Variants in CACNA2D3 observed in about 807,000 individuals in gnomAD.
CACNA2D3 encodes calcium voltage-gated channel auxiliary subunit alpha2delta 3, also known as voltage-dependent calcium channel subunit alpha-2/delta-3.
A neutral mutation model predicts 160.6 loss-of-function variants in CACNA2D3; 60 were observed. The observed-to-expected ratio is 0.37, with a 90% CI of 0.30 to 0.46. The LOEUF (loss-of-function observed/expected upper bound fraction) is 0.46. Among genes scored for constraint, CACNA2D3 ranks in the 20% least tolerant of loss-of-function variants. CACNA2D3 has a pLI of 1.00. For missense variants in CACNA2D3, 1,205 were observed against 1,365.0 expected (o/e 0.88, Z 1.85); for synonymous variants, 558 against 492.9 (o/e 1.13, Z -1.75).
chr3:54,851,280 G>A (rs1011172186), intron 17 of CACNA2D3, among the ~76,000 whole-genome samples: 2 of 152,194 alleles, frequency 1.3e-5, no homozygotes, highest in African/African-American at 4.8e-5. Flanking sequence ...GAAGGGGAGG[G>A]GAGGTCCAGG....
intron 5 of CACNA2D3, among the ~76,000 whole-genome samples, chr3:54,507,341 G>A (rs561615093): frequency 2.0e-5 from 3 of 151,998 alleles, no homozygotes; most frequent in Admixed American, 2.0e-4. Flanking sequence ...TGTCTTGTGT[G>A]ATGGAAGTGA....
At chr3:54,649,379 A>T (rs1425847873) in intron 11 of CACNA2D3, among the ~76,000 whole-genome samples, 2 of 152,232 alleles carry the variant, frequency 1.3e-5, no homozygotes, top group Non-Finnish European at 2.9e-5. Flanking sequence ...TCACTGTGGT[A>T]ACAGGGAACA....
chr3:54,714,726 G>A (rs144001671), intron 11 of CACNA2D3, among the ~76,000 whole-genome samples: 18 of 152,306 alleles, frequency 1.2e-4, no homozygotes, highest in African/African-American at 4.1e-4. Flanking sequence ...GATGATGGTA[G>A]CACTGTGTTG....
intron 11 of CACNA2D3, among the ~76,000 whole-genome samples, chr3:54,682,410 T>A (rs1413063932): frequency 6.6e-6 from 1 of 152,114 alleles, no homozygotes; most frequent in African/African-American, 2.4e-5. Context: ...GTGGATCATT[T>A]GAGCCAGGAG....
chr3:54,752,247 A>G (rs768841781), intron 11 of CACNA2D3, among the ~76,000 whole-genome samples: 1 of 152,138 alleles, frequency 6.6e-6, no homozygotes, highest in South Asian at 2.1e-4. Context: ...TCCTGTGTGA[A>G]TGGGGAAAAT....
chr3:54,670,459 T>C (rs1248626113), intron 11 of CACNA2D3, among the ~76,000 whole-genome samples: 1 of 152,160 alleles, frequency 6.6e-6, no homozygotes, highest in African/African-American at 2.4e-5. Flanking sequence ...GCATTTTCCC[T>C]TTACAGGCGC....
chr3:54,318,989 A>G (rs1440962778), intron 2 of CACNA2D3, among the ~76,000 whole-genome samples: 1 of 151,910 alleles, frequency 6.6e-6, no homozygotes, highest in African/African-American at 2.4e-5. Context: ...GGCTCTAAGG[A>G]TTTTGTTTTA....
chr3:54,445,588 A>ACACACACACT (rs887967244), intron 4 of CACNA2D3, among the ~76,000 whole-genome samples: 6 of 150,438 alleles, frequency 4.0e-5, no homozygotes, highest in South Asian at 4.2e-4. Context: ...ACACACACAC[A>ACACACACACT]CTCATGTGAA....
chr3:54,905,476 A>T (rs1285564404), intron 27 of CACNA2D3, among the ~76,000 whole-genome samples: 1 of 152,230 alleles, frequency 6.6e-6, no homozygotes. Flanking sequence ...CATATTTGGT[A>T]TGTAGGAGTT....
At chr3:54,653,061 G>A (rs1699806377) in intron 11 of CACNA2D3, among the ~76,000 whole-genome samples, 2 of 152,136 alleles carry the variant, frequency 1.3e-5, no homozygotes, top group African/African-American at 2.4e-5. Flanking sequence ...GAGATTACAG[G>A]CATGAGCCAC....
At chr3:55,002,187 T>A (rs368163601) in intron 31 of CACNA2D3, among the ~76,000 whole-genome samples, 9 of 151,538 alleles carry the variant, frequency 5.9e-5, no homozygotes, top group Middle Eastern at 3.4e-3. Context: ...ATGTACCCTG[T>A]ATATACGACA....
At chr3:54,369,285 G>A (rs533148732) in intron 3 of CACNA2D3, among the ~76,000 whole-genome samples, 190 of 151,534 alleles carry the variant, frequency 1.3e-3, no homozygotes, top group African/African-American at 4.4e-3. Context: ...AAAAAAAACA[G>A]TGGTATAGAG....
At chr3:54,229,040 C>T (rs937299088) in intron 2 of CACNA2D3, among the ~76,000 whole-genome samples, 1 of 152,198 alleles carries the variant, frequency 6.6e-6, no homozygotes, top group African/African-American at 2.4e-5. Context: ...TGAATGCATA[C>T]GTTTCCTAAA....
intron 27 of CACNA2D3, chr3:54,919,019 T>A (rs1270015603): frequency 4.8e-5 from 35 of 725,636 alleles, no homozygotes; most frequent in Non-Finnish European, 6.8e-5. Context: ...AATCCTGGAG[T>A]CAAAGAATTT....
intron 2 of CACNA2D3, among the ~76,000 whole-genome samples, chr3:54,265,631 GTATA>G (rs1158709460): frequency 4.0e-5 from 4 of 101,092 alleles, no homozygotes; most frequent in Non-Finnish European, 4.5e-5. Context: ...TATATAGTGT[GTATA>G]TATATAGTGT....
chr3:54,140,959 T>A (rs1006520991), intron 2 of CACNA2D3, among the ~76,000 whole-genome samples: 4 of 152,152 alleles, frequency 2.6e-5, no homozygotes, highest in African/African-American at 9.7e-5. Flanking sequence ...GAGGTCTGCC[T>A]GGTCCTCAGC....
chr3:54,238,218 T>C (rs550394180), intron 2 of CACNA2D3, among the ~76,000 whole-genome samples: 327 of 152,366 alleles, frequency 2.1e-3, no homozygotes, highest in Non-Finnish European at 3.5e-3. Flanking sequence ...TGTATGTTTG[T>C]AACTTTTTTA....
chr3:54,342,134 T>G (rs1698366149), intron 3 of CACNA2D3, among the ~76,000 whole-genome samples: 1 of 152,204 alleles, frequency 6.6e-6, no homozygotes, highest in South Asian at 2.1e-4. Flanking sequence ...AATATTTATT[T>G]TAATCATATG....
At chr3:54,624,579 AC>A (rs1699055865) in intron 9 of CACNA2D3, among the ~76,000 whole-genome samples, 2 of 152,258 alleles carry the variant, frequency 1.3e-5, no homozygotes, top group Admixed American at 6.5e-5. Context: ...CCGAGATCGC[AC>A]CCACTGCACT....
Sources: gnomAD v4.1 joint callset for allele counts (sites outside exome capture counted in the v4.1 genomes callset) on GRCh38, gnomAD v4.1.1 for gene constraint, MANE v1.5 for transcripts, NCBI Gene and HGNC (gene_info 2026-07-23, HGNC 2026-07-21) for gene names.